Variants in SNX7 observed in about 807,000 individuals in gnomAD.
SNX7 encodes sorting nexin-7.
A neutral mutation model predicts 48.4 loss-of-function variants in SNX7; 35 were observed. That is an observed-to-expected ratio of 0.72 (90% CI 0.55 to 0.96). The LOEUF (loss-of-function observed/expected upper bound fraction) is 0.96, where lower values mean the gene tolerates loss of function less well. Ranked by LOEUF, SNX7 falls within the 40% of genes least tolerant of loss-of-function variation. The pLI, the probability that SNX7 is intolerant of heterozygous loss-of-function variation, is 0.00. For synonymous variants in SNX7, 190 were observed against 190.2 expected, an observed-to-expected ratio of 1.00 and a Z score of 0.01; for missense variants, 553 against 548.9, an observed-to-expected ratio of 1.01 and a Z score of -0.07.
At chr1:98,665,003 G>T (rs1447848214) in intron 1 of SNX7, among the ~76,000 whole-genome samples, 1 of 152,052 alleles carries the variant, frequency 6.6e-6, no homozygotes, top group Non-Finnish European at 1.5e-5. Flanking sequence ...ACGTTTAAAG[G>T]AAAAAATCCT....
chr1:98,756,549 T>G (rs904998221), intron 8 of SNX7, among the ~76,000 whole-genome samples: 6 of 150,856 alleles, frequency 4.0e-5, no homozygotes, highest in Non-Finnish European at 7.4e-5. Flanking sequence ...GTAGGCCCTA[T>G]GAGAATGCTG....
upstream of SNX7, among the ~76,000 whole-genome samples, chr1:98,661,388 G>A (rs1454946685): frequency 1.3e-5 from 2 of 151,414 alleles, no homozygotes; most frequent in East Asian, 3.9e-4. Context: ...CCCAGACCCC[G>A]CCACTGCGGA....
intron 1 of SNX7, among the ~76,000 whole-genome samples, chr1:98,667,262 G>T (rs1255368453): frequency 6.6e-6 from 1 of 152,192 alleles, no homozygotes; most frequent in Admixed American, 6.5e-5. Flanking sequence ...ATTGTATTCA[G>T]AAGTAGACTA....
At chr1:98,670,841 C>CT (rs1226388186) in intron 1 of SNX7, among the ~76,000 whole-genome samples, 1 of 150,850 alleles carries the variant, frequency 6.6e-6, no homozygotes, top group Admixed American at 6.6e-5. Flanking sequence ...GGAAAGAGAG[C>CT]TACAGCTCTT....
At chr1:98,756,760 T>C (rs1426953301) in intron 8 of SNX7, among the ~76,000 whole-genome samples, 1 of 152,028 alleles carries the variant, frequency 6.6e-6, no homozygotes, top group Non-Finnish European at 1.5e-5. Flanking sequence ...TCCTTTTAAC[T>C]CAGTGAGTCA....
rs556777769 is a variant in SNX7 at position 98,706,345 on chromosome 1, G to A, written c.1125+4442G>A. On this transcript the variant is annotated intron_variant, in intron 7 of 8. Coordinates refer to ENST00000306121, the MANE Select transcript of SNX7 (RefSeq NM_015976.5). Reference sequence around the variant, plus strand: ...AGTAATATGTGTACCTGGGGGAAGAGCCTTTCAGGCAGAGGGGACAGTACA... The same window carrying A: ...AGTAATATGTGTACCTGGGGGAAGAACCTTTCAGGCAGAGGGGACAGTACA... Among the ~76,000 whole-genome samples the A allele has an allele frequency of 3.9e-5, 6 of 152,258 alleles. No homozygotes were observed. In the South Asian group the frequency reaches 1.0e-3, roughly 26 times the overall value.
At chr1:98,698,624 G>A in intron 5 of SNX7, 82 bp from the exon 6 acceptor site, 2 of 1,191,622 alleles carry the variant, frequency 1.7e-6, no homozygotes, top group African/African-American at 1.6e-5. Flanking sequence ...GAGAAATAAG[G>A]CCCTTTCTTA....
intron 7 of SNX7, among the ~76,000 whole-genome samples, chr1:98,726,982 G>A (rs1169274626): frequency 3.3e-5 from 5 of 152,132 alleles, no homozygotes; most frequent in Admixed American, 6.5e-5. Flanking sequence ...AGGCTGAGGC[G>A]GGTGGATCAT....
chr1:98,677,008 T>G (rs1650200597), intron 1 of SNX7, among the ~76,000 whole-genome samples: 1 of 152,204 alleles, frequency 6.6e-6, no homozygotes, highest in South Asian at 2.1e-4. Context: ...CAGTTAACTT[T>G]ATAATCTTAC....
At chr1:98,716,842 T>G (rs1652616564) in intron 7 of SNX7, among the ~76,000 whole-genome samples, 1 of 152,102 alleles carries the variant, frequency 6.6e-6, no homozygotes, top group Non-Finnish European at 1.5e-5. Context: ...TTCTTTTATC[T>G]TCTTTAAAAA....
At chr1:98,736,624 A>C (rs1467138034) in intron 7 of SNX7, among the ~76,000 whole-genome samples, 2 of 152,304 alleles carry the variant, frequency 1.3e-5, no homozygotes, top group East Asian at 3.9e-4. Flanking sequence ...AAAAAATAAA[A>C]CACAGACACA....
rs1454180352 is a variant in SNX7, at chr1:98,738,335, T to C, written c.1224T>C (p.Asp408=). Residue 408 remains aspartate (D), a synonymous_variant, in exon 8 of 9, where the codon GAT becomes GAC. Coordinates refer to ENST00000306121, the MANE Select transcript of SNX7 (RefSeq NM_015976.5). ...WERWKQNMQN[D]IKLAFTDMAE... is the part of the protein sequence containing the mutation. ...GATGGAAACAAAATATGCAAAATGATATCAAGTTAGCATTTACAGATATGG... is the reference window on the plus strand; with the variant it reads ...GATGGAAACAAAATATGCAAAATGACATCAAGTTAGCATTTACAGATATGG... 6.2e-7 allele frequency: 1 copy of C among 1,613,410 alleles called. No homozygotes were observed. The highest frequency in any genetic ancestry group is 1.3e-5 in the African/African-American group (1 of 74,902).
At chr1:98,752,422 C>T (rs779801491) in intron 8 of SNX7, among the ~76,000 whole-genome samples, 40 of 151,948 alleles carry the variant, frequency 2.6e-4, no homozygotes, top group Non-Finnish European at 5.2e-4. Context: ...AATTAAAAAT[C>T]GGCTATCAAG....
intron 2 of SNX7, among the ~76,000 whole-genome samples, chr1:98,690,289 C>CTAAT (rs1197333956): frequency 2.0e-5 from 3 of 151,940 alleles, no homozygotes; most frequent in Non-Finnish European, 1.5e-5. Context: ...GGTGAGTGTA[C>CTAAT]ATTAGATAAC....
intron 1 of SNX7, among the ~76,000 whole-genome samples, chr1:98,675,852 G>T (rs1475455461): frequency 6.6e-6 from 1 of 151,978 alleles, no homozygotes; most frequent in African/African-American, 2.4e-5. Flanking sequence ...ATGCAACCTT[G>T]TTAAGAAAAA....
intron 8 of SNX7, among the ~76,000 whole-genome samples, chr1:98,753,432 G>A (rs780074829): frequency 2.6e-5 from 4 of 152,004 alleles, no homozygotes; most frequent in African/African-American, 7.2e-5. Context: ...AACTAGTATC[G>A]TTAATGCAGA....
intron 5 of SNX7, among the ~76,000 whole-genome samples, chr1:98,697,950 A>G (rs1222205861): frequency 6.6e-6 from 1 of 152,184 alleles, no homozygotes; most frequent in East Asian, 1.9e-4. Context: ...ATCATGGGTT[A>G]TTCATGAATG....
At chr1:98,749,695 A>G (rs1306021162) in intron 8 of SNX7, among the ~76,000 whole-genome samples, 1 of 152,092 alleles carries the variant, frequency 6.6e-6, no homozygotes, top group Non-Finnish European at 1.5e-5. Flanking sequence ...TGAAAGTTTT[A>G]ATTAGTGTTT....
chr1:98,696,447 C>T (rs542695190), intron 5 of SNX7, among the ~76,000 whole-genome samples: 339 of 151,658 alleles, frequency 2.2e-3, no homozygotes, highest in Non-Finnish European at 3.6e-3. Context: ...TTCTAGTATC[C>T]GGGCAGTGTT....
Sources: gnomAD v4.1 joint callset for allele counts (sites outside exome capture counted in the v4.1 genomes callset) on GRCh38, gnomAD v4.1.1 for gene constraint, MANE v1.5 for transcripts, NCBI Gene and HGNC (gene_info 2026-07-23, HGNC 2026-07-21) for gene names.